JAZF1: variants seen among roughly 807,000 people sequenced by gnomAD.
JAZF1 encodes JAZF zinc finger 1, also known as juxtaposed with another zinc finger protein 1.
Under a neutral mutation model 26.4 loss-of-function variants are expected in JAZF1, and 8 were observed. That is an observed-to-expected ratio of 0.30 (90% CI 0.18 to 0.55). The LOEUF (loss-of-function observed/expected upper bound fraction) is 0.55. Among genes scored for constraint, JAZF1 ranks in the 20% least tolerant of loss-of-function variants. The pLI is 0.94. For synonymous variants in JAZF1, 126 were observed against 122.3 expected, an observed-to-expected ratio of 1.03 and a Z score of -0.20; for missense variants, 199 against 322.0, an observed-to-expected ratio of 0.62 and a Z score of 2.92.
intron 2 of JAZF1, among the ~76,000 whole-genome samples, chr7:27,910,963 A>T (rs1359565886): frequency 6.6e-6 from 1 of 152,158 alleles, no homozygotes; most frequent in East Asian, 1.9e-4. Context: ...TCCTTCTGTT[A>T]TTGTGCCCTG....
At chr7:27,985,180 G>T (rs189319943) in intron 2 of JAZF1, among the ~76,000 whole-genome samples, 2 of 152,218 alleles carry the variant, frequency 1.3e-5, no homozygotes, top group East Asian at 1.9e-4. Context: ...TTTTTGAAAA[G>T]ATCAACAAAA....
intron 1 of JAZF1, among the ~76,000 whole-genome samples, chr7:28,003,227 G>GAAA (rs149288537): frequency 3.4e-5 from 5 of 146,108 alleles, no homozygotes; most frequent in African/African-American, 1.3e-4. Context: ...GGATTTAAAA[G>GAAA]AAAAAAAAAA....
chr7:27,858,686 A>G (rs1333387021), intron 3 of JAZF1, among the ~76,000 whole-genome samples: 1 of 152,220 alleles, frequency 6.6e-6, no homozygotes, highest in African/African-American at 2.4e-5. Context: ...ATATGCAGAA[A>G]ACTGAAACTG....
At chr7:28,055,159 GT>G (rs1199630307) in intron 1 of JAZF1, among the ~76,000 whole-genome samples, 1 of 150,674 alleles carries the variant, frequency 6.6e-6, no homozygotes, top group East Asian at 2.1e-4. Context: ...CCTTTCAGGT[GT>G]TTTAAAAAAA....
chr7:28,141,032 A>G (rs1024106218), intron 1 of JAZF1, among the ~76,000 whole-genome samples: 1 of 152,252 alleles, frequency 6.6e-6, no homozygotes, highest in East Asian at 1.9e-4. Flanking sequence ...ACTCATTCAC[A>G]GCATATAGTT....
At chr7:27,860,465 C>G (rs371296354) in intron 3 of JAZF1, among the ~76,000 whole-genome samples, 20 of 152,326 alleles carry the variant, frequency 1.3e-4, no homozygotes, top group African/African-American at 4.8e-4. Flanking sequence ...TCTCCACAAC[C>G]TCTGTTGTGA....
At chr7:28,082,987 A>G (rs907397913) in intron 1 of JAZF1, among the ~76,000 whole-genome samples, 1 of 152,014 alleles carries the variant, frequency 6.6e-6, no homozygotes, top group African/African-American at 2.4e-5. Context: ...GCTGACCACC[A>G]CTGAGTGCTC....
intron 1 of JAZF1, among the ~76,000 whole-genome samples, chr7:28,137,194 C>T (rs1423056242): frequency 6.6e-6 from 1 of 152,184 alleles, no homozygotes; most frequent in Non-Finnish European, 1.5e-5. Flanking sequence ...TGCTGTTTGG[C>T]CTCTGAGGCT....
chr7:28,158,266 T>C (rs184795991), intron 1 of JAZF1, among the ~76,000 whole-genome samples: 1 of 151,114 alleles, frequency 6.6e-6, no homozygotes, highest in East Asian at 2.0e-4. Context: ...AAACCCATGG[T>C]CCATAGGGGA....
At chr7:28,069,128 T>C (rs1783930111) in intron 1 of JAZF1, among the ~76,000 whole-genome samples, 1 of 152,208 alleles carries the variant, frequency 6.6e-6, no homozygotes, top group Non-Finnish European at 1.5e-5. Flanking sequence ...AGAGAGGGGA[T>C]GGAAGAGCCC....
chr7:27,926,504 C>T (rs953864779), intron 2 of JAZF1, among the ~76,000 whole-genome samples: 1 of 152,230 alleles, frequency 6.6e-6, no homozygotes, highest in Non-Finnish European at 1.5e-5. Flanking sequence ...ATCAGACTTT[C>T]TTCTAAGAAC....
intron 3 of JAZF1, among the ~76,000 whole-genome samples, chr7:27,884,114 G>A (rs1227881674): frequency 6.6e-6 from 1 of 152,134 alleles, no homozygotes; most frequent in Non-Finnish European, 1.5e-5. Flanking sequence ...TTCAATTAAG[G>A]TAAGATTTAC....
intron 2 of JAZF1, among the ~76,000 whole-genome samples, chr7:27,973,698 A>T (rs1424806710): frequency 1.3e-5 from 2 of 152,254 alleles, no homozygotes; most frequent in Non-Finnish European, 2.9e-5. Flanking sequence ...TTAAATGTCC[A>T]TCTTGAAGAA....
At chr7:28,079,030 C>T (rs1366138643) in intron 1 of JAZF1, among the ~76,000 whole-genome samples, 1 of 151,282 alleles carries the variant, frequency 6.6e-6, no homozygotes, top group Non-Finnish European at 1.5e-5. Context: ...GCTCTGTTGC[C>T]CAGGCTGGAG....
intron 2 of JAZF1, among the ~76,000 whole-genome samples, chr7:27,927,403 A>G (rs1412895114): frequency 6.6e-6 from 1 of 152,192 alleles, no homozygotes; most frequent in Non-Finnish European, 1.5e-5. Flanking sequence ...CAGCTTGATC[A>G]TCTACTCTCT....
intron 3 of JAZF1, among the ~76,000 whole-genome samples, chr7:27,848,834 T>C (rs1783078210): frequency 6.6e-6 from 1 of 152,262 alleles, no homozygotes; most frequent in African/African-American, 2.4e-5. Flanking sequence ...CTGTGCTTAC[T>C]TGATTTTTTA....
At chr7:28,130,945 G>A (rs983024695) in intron 1 of JAZF1, among the ~76,000 whole-genome samples, 1 of 152,114 alleles carries the variant, frequency 6.6e-6, no homozygotes, top group Admixed American at 6.6e-5. Flanking sequence ...CAGACCCATG[G>A]ATCCCTCACT....
intron 3 of JAZF1, among the ~76,000 whole-genome samples, chr7:27,894,124 A>G (rs1784019779): frequency 6.6e-6 from 1 of 152,196 alleles, no homozygotes; most frequent in Non-Finnish European, 1.5e-5. Context: ...TGGCCCCTAG[A>G]ATGCCAATAT....
At position 28,073,018 on chromosome 7, in the gene JAZF1, C is replaced by A. The variant is rs1313178292; in HGVS notation, c.116-81037G>T. ...TCAGAAAAGGAAACTCCAGCCTTGC[C>A]TCAGTATGAAAATACATGACTTTTT... is the stretch of plus-strand genomic sequence containing the variant. On this transcript the variant is annotated intron_variant, in intron 1 of 4. Coordinates refer to ENST00000283928, the MANE Select transcript of JAZF1 (RefSeq NM_175061.4). Among the ~76,000 whole-genome samples, 3 of 152,154 alleles carry A rather than the reference C, an allele frequency of 2.0e-5. No homozygotes were observed. In the East Asian group the frequency reaches 5.8e-4, roughly 29 times the overall value.
Sources: allele counts gnomAD v4.1 joint callset (sites outside exome capture counted in the v4.1 genomes callset), GRCh38; gene constraint gnomAD v4.1.1; transcripts MANE v1.5; gene names NCBI Gene and HGNC (gene_info 2026-07-23, HGNC 2026-07-21).